Variants in GNG2 observed in about 807,000 individuals in gnomAD.
The protein encoded by GNG2 is guanine nucleotide-binding protein G(I)/G(S)/G(O) subunit gamma-2.
GNG2 carries 5 observed loss-of-function variants against 5.5 expected under a neutral mutation model. The observed-to-expected ratio is 0.91, with a 90% CI of 0.48 to 1.92. GNG2 has a LOEUF of 1.92. GNG2 is among the 30% of genes most tolerant of loss of function. GNG2 has a pLI of 0.01. For synonymous variants in GNG2, 28 were observed against 32.0 expected (o/e 0.88, Z 0.42); for missense variants, 55 against 88.4 (o/e 0.62, Z 1.52).
chr14:51,953,736 C>T (rs1237860649), intron 3 of GNG2, among the ~76,000 whole-genome samples: 1 of 152,162 alleles, frequency 6.6e-6, no homozygotes. Flanking sequence ...ACACGGTTGT[C>T]AGCTAGCTGG....
rs73295013 is a variant in GNG2 at position 51,909,534 on chromosome 14, G to A, written c.-30+31877G>A. On this transcript the variant is annotated intron_variant, in intron 2 of 3. Coordinates refer to ENST00000556766, the MANE Select transcript of GNG2 (RefSeq NM_053064.5). ...GGAAGGCATGGTGTTGTACTTGGCA[G>A]AGGAGTTTAAGACCAAAAAGGAAAA... is the stretch of plus-strand genomic sequence containing the variant. Among the ~76,000 whole-genome samples, 1,076 of 152,252 alleles carry A rather than the reference G, an allele frequency of 7.1e-3. 15 individuals carry two copies. The highest frequency in any genetic ancestry group is 0.025 in the African/African-American group (1,033 of 41,524).
intron 1 of GNG2, chr14:51,827,576 T>A: frequency 1.6e-6 from 1 of 637,766 alleles, no homozygotes; most frequent in South Asian, 1.8e-5. Context: ...TTCCAGACTA[T>A]AACTAGCTCA....
At chr14:51,933,161 G>A (rs572433401) in intron 2 of GNG2, among the ~76,000 whole-genome samples, 94 of 152,314 alleles carry the variant, frequency 6.2e-4, no homozygotes, top group Non-Finnish European at 1.0e-3. Flanking sequence ...TTCTAGAACT[G>A]TTATAGAATA....
chr14:51,916,690 A>G (rs1886663217), intron 2 of GNG2, among the ~76,000 whole-genome samples: 1 of 152,122 alleles, frequency 6.6e-6, no homozygotes, highest in Non-Finnish European at 1.5e-5. Flanking sequence ...GCTGCTGTGG[A>G]CCATACCCAG....
At chr14:51,883,375 T>C (rs568200426) in intron 2 of GNG2, among the ~76,000 whole-genome samples, 1 of 152,368 alleles carries the variant, frequency 6.6e-6, no homozygotes, top group South Asian at 2.1e-4. Flanking sequence ...TATTTAAATA[T>C]CTCTGTTAGC....
chr14:51,948,321 A>G (rs762118039), intron 2 of GNG2, among the ~76,000 whole-genome samples: 2 of 152,236 alleles, frequency 1.3e-5, no homozygotes, highest in African/African-American at 2.4e-5. Flanking sequence ...TCTCTGCCAC[A>G]GGTCACCCTG....
intron 2 of GNG2, among the ~76,000 whole-genome samples, chr14:51,890,078 A>G (rs1884750146): frequency 6.6e-6 from 1 of 152,222 alleles, no homozygotes. Context: ...GATCAAAATG[A>G]GTAGTGATTC....
chr14:51,827,136 G>T (rs1218904766), intron 1 of GNG2, among the ~76,000 whole-genome samples: 1 of 152,098 alleles, frequency 6.6e-6, no homozygotes, highest in Non-Finnish European at 1.5e-5. Flanking sequence ...TCTTTTAAAA[G>T]TTCCAAAGCC....
chr14:51,914,071 GT>G, intron 2 of GNG2: 1 of 600,128 alleles, frequency 1.7e-6, no homozygotes, highest in Non-Finnish European at 3.0e-6. Flanking sequence ...AGTTCAAGGT[GT>G]TTTGTTTGCT....
At chr14:51,834,489 G>A (rs1055176199) in intron 2 of GNG2, among the ~76,000 whole-genome samples, 4 of 152,234 alleles carry the variant, frequency 2.6e-5, no homozygotes, top group Non-Finnish European at 5.9e-5. Flanking sequence ...GGTCCAGGTG[G>A]CAGATGAAAG....
intron 2 of GNG2, among the ~76,000 whole-genome samples, chr14:51,916,770 C>T (rs911433515): frequency 2.6e-5 from 4 of 152,092 alleles, no homozygotes; most frequent in Non-Finnish European, 5.9e-5. Flanking sequence ...TGTGAGGGTT[C>T]CAGGGCCATT....
chr14:51,877,068 T>G (rs971258701), intron 1 of GNG2, among the ~76,000 whole-genome samples: 2 of 152,154 alleles, frequency 1.3e-5, no homozygotes, highest in African/African-American at 4.8e-5. Flanking sequence ...CATAGGTGTC[T>G]TCTACTTCTA....
At chr14:51,926,162 A>AT in intron 2 of GNG2, among the ~76,000 whole-genome samples, 1 of 152,106 alleles carries the variant, frequency 6.6e-6, no homozygotes, top group Admixed American at 6.5e-5. Context: ...GTATTTAATA[A>AT]GTTCTCAATC....
At chr14:51,848,763 A>G (rs1054360499) in intron 2 of GNG2, among the ~76,000 whole-genome samples, 1 of 152,182 alleles carries the variant, frequency 6.6e-6, no homozygotes, top group African/African-American at 2.4e-5. Flanking sequence ...CTAGTGTTGG[A>G]GGAATGCAGA....
chr14:51,907,208 T>C (rs1052059785), intron 2 of GNG2, among the ~76,000 whole-genome samples: 7 of 152,176 alleles, frequency 4.6e-5, no homozygotes, highest in Non-Finnish European at 1.0e-4. Flanking sequence ...ATGGGAGAAA[T>C]TGGTTCCTTC....
At chr14:51,916,859 G>T (rs1471470487) in intron 2 of GNG2, among the ~76,000 whole-genome samples, 1 of 152,290 alleles carries the variant, frequency 6.6e-6, no homozygotes, top group Non-Finnish European at 1.5e-5. Flanking sequence ...GGAGATTGAG[G>T]CCTGGCAGAA....
chr14:51,932,237 ACT>A (rs1438122581), intron 2 of GNG2, among the ~76,000 whole-genome samples: 2 of 104,880 alleles, frequency 1.9e-5, no homozygotes, highest in Admixed American at 1.2e-4. Flanking sequence ...ACAGAGCAAG[ACT>A]CTGTCTCAAA....
At chr14:51,915,561 C>T (rs1184259772) in intron 2 of GNG2, among the ~76,000 whole-genome samples, 6 of 152,090 alleles carry the variant, frequency 3.9e-5, no homozygotes, top group Admixed American at 6.5e-5. Context: ...AAATATGATA[C>T]GTTAGAAGCC....
chr14:51,940,310 T>A (rs908954627), intron 2 of GNG2: 1 of 152,378 alleles, frequency 6.6e-6, no homozygotes, highest in African/African-American at 2.4e-5. Context: ...GTGAACCCCC[T>A]GAGGCTATCC....
Sources: allele counts gnomAD v4.1 joint callset (sites outside exome capture counted in the v4.1 genomes callset), GRCh38; gene constraint gnomAD v4.1.1; transcripts MANE v1.5; gene names NCBI Gene and HGNC (gene_info 2026-07-23, HGNC 2026-07-21).